Variants in NUP42 observed in about 807,000 individuals in gnomAD.
NUP42 encodes the protein nucleoporin 42.
In NUP42, 47 loss-of-function variants were observed where a neutral mutation model predicts 35.9. The ratio of observed to expected loss-of-function variants is 1.31; its 90% CI spans 1.04 to 1.67. The LOEUF (loss-of-function observed/expected upper bound fraction) is 1.67. NUP42 is among the 40% of genes most tolerant of loss of function. The pLI, the probability that NUP42 is intolerant of heterozygous loss-of-function variation, is 0.00. For synonymous variants in NUP42, 173 were observed against 173.3 expected (o/e 1.00, Z 0.01); for missense variants, 514 against 492.2 (o/e 1.04, Z -0.42).
intron 5 of NUP42, chr7:23,197,370 A>G: frequency 1.5e-5 from 6 of 412,040 alleles, no homozygotes; most frequent in Non-Finnish European, 2.6e-5. Context: ...TACTCTGTAT[A>G]AGGATATGAG....
Position 23,200,231 on chromosome 7 carries a change from G to A in NUP42, c.758G>A (p.Gly253Glu). The A allele has an allele frequency of 5.0e-6, 8 of 1,603,804 alleles. No individual in the cohort carries two copies. The highest frequency in any genetic ancestry group is 6.8e-6 in the Non-Finnish European group (8 of 1,173,714). The change falls in exon 7 of 7, where the codon GGA (glycine) becomes GAA (glutamate). Residue 253 changes from glycine to glutamate, a missense_variant. Gly to Glu is a moderately conservative substitution (Grantham distance 98, BLOSUM62 -2). Transcript: ENST00000258742. ...AACTTTAGTTTTAAAACAAACTCTG[G>A]ATTTGCTGCTGCCTCTTCTGGAAGC... Reference protein sequence around the residue: ...AQNFSFKTNSGFAAASSGSPA... With the variant: ...AQNFSFKTNSEFAAASSGSPA...
chr7:23,198,239 G>A (rs1055600312), intron 5 of NUP42: 1 of 113,474 alleles, frequency 8.8e-6, no homozygotes, highest in Non-Finnish European at 1.6e-5. Flanking sequence ...TTGAGGCAGA[G>A]TCTCACTCTG....
At chr7:23,188,457 A>C in intron 3 of NUP42, 2 of 985,472 alleles carry the variant, frequency 2.0e-6, no homozygotes, top group Non-Finnish European at 2.4e-6. Flanking sequence ...AATCAGCTTA[A>C]GTATTAGTAC....
At chr7:23,182,402 T>C in intron 1 of NUP42, 196 bp downstream of exon 1, 1 of 1,393,150 alleles carries the variant, frequency 7.2e-7, no homozygotes, top group East Asian at 2.6e-5. Context: ...CCGTTTTTAT[T>C]GAGCTTCTGA....
rs374794638 is a variant in NUP42, at chr7:23,200,123, G to A, written c.695-45G>A. 2.6e-5 allele frequency: 33 copies of A among 1,293,600 alleles called. No individual in the cohort carries two copies. In the South Asian group the frequency reaches 2.6e-4, roughly 10 times the overall value. The allele number at this position is 1,293,600 out of a possible 1,614,324, so 80.1% of individuals were successfully genotyped here. ...AAATAATTGTGACATTTTTCTGACC[G>A]TAATAGATTTTTGTTGTTTTTTTTG... is the stretch of plus-strand genomic sequence containing the variant. On this transcript the variant is annotated intron_variant, in intron 6 of 6. Transcript: ENST00000258742.
At chr7:23,183,754 TAAAAAAA>T (rs571597955) in intron 1 of NUP42, among the ~76,000 whole-genome samples, 4,370 of 82,038 alleles carry the variant, frequency 0.053, 225 homozygotes, top group African/African-American at 0.17. Context: ...AAAAGCAATG[TAAAAAAA>T]AAAAAAAAAA....
intron 2 of NUP42, 24 bp from the exon 3 acceptor site, chr7:23,187,028 T>TC: frequency 2.4e-6 from 1 of 413,382 alleles, no homozygotes; most frequent in Non-Finnish European, 3.6e-6. Context: ...TCCTTTACTC[T>TC]TTTTTTTTTT....
At chr7:23,186,232 A>G (rs1284667411) in intron 2 of NUP42, among the ~76,000 whole-genome samples, 3 of 152,244 alleles carry the variant, frequency 2.0e-5, no homozygotes, top group Non-Finnish European at 4.4e-5. Context: ...CTAGGATGGA[A>G]TTTAAATGTA....
At chr7:23,193,142 A>C (rs1431304881) in intron 3 of NUP42, among the ~76,000 whole-genome samples, 1 of 151,576 alleles carries the variant, frequency 6.6e-6, no homozygotes, top group African/African-American at 2.4e-5. Context: ...AGTGAGGCTG[A>C]AGACCTTCGC....
intron 5 of NUP42, among the ~76,000 whole-genome samples, chr7:23,198,065 G>A (rs1382898938): frequency 1.3e-5 from 2 of 151,950 alleles, no homozygotes; most frequent in Non-Finnish European, 2.9e-5. Context: ...TGACCAACAT[G>A]GTGAAACCCG....
At chr7:23,184,274 C>T (rs1396417144) in intron 1 of NUP42, among the ~76,000 whole-genome samples, 2 of 152,140 alleles carry the variant, frequency 1.3e-5, no homozygotes, top group Non-Finnish European at 2.9e-5. Flanking sequence ...ACTTAAGCAT[C>T]TGTACAAAAA....
intron 5 of NUP42, chr7:23,197,374 A>T: frequency 2.7e-6 from 1 of 375,496 alleles, no homozygotes; most frequent in Admixed American, 3.4e-5. Flanking sequence ...CTGTATAAGG[A>T]TATGAGAGTA....
chr7:23,187,936 GTCTCTC>G, intron 3 of NUP42: 12 of 478,496 alleles, frequency 2.5e-5, no homozygotes, highest in African/African-American at 4.2e-5. Flanking sequence ...AATATTCTCT[GTCTCTC>G]TCTCTCTCTC....
intron 3 of NUP42, among the ~76,000 whole-genome samples, chr7:23,189,929 A>T (rs373361702): frequency 0.095 from 14,324 of 150,522 alleles, 772 homozygotes; most frequent in Admixed American, 0.15. Flanking sequence ...AAAAAAAAAA[A>T]TTTTTTTGAT....
chr7:23,184,747 A>G (rs987668869), intron 1 of NUP42, among the ~76,000 whole-genome samples: 4 of 152,154 alleles, frequency 2.6e-5, no homozygotes, highest in East Asian at 3.9e-4. Context: ...GCTCATGCCT[A>G]TAATTCCAGC....
At chr7:23,192,917 C>T (rs189881536) in intron 3 of NUP42, among the ~76,000 whole-genome samples, 405 of 152,310 alleles carry the variant, frequency 2.7e-3, no homozygotes, top group Non-Finnish European at 4.4e-3. Flanking sequence ...CGGACCCTCG[C>T]GGTGAGTGTT....
chr7:23,199,783 G>A lies in NUP42; in HGVS notation c.694+241G>A, dbSNP rs373632175. Among the ~76,000 whole-genome samples the A allele has an allele frequency of 1.4e-4, 21 of 152,296 alleles. No individual in the cohort carries two copies. The East Asian group carries it at 3.5e-3, about 25-fold the overall frequency. On this transcript the variant is annotated intron_variant, in intron 6 of 6. Coordinates refer to ENST00000258742, the MANE Select transcript of NUP42 (RefSeq NM_007342.3). Reference sequence around the variant, plus strand: ...TTAGGAATGAGTTTTCAGGAGTTTCGTAGAAGTACATAGCTATGATAGCAG... The same window carrying A: ...TTAGGAATGAGTTTTCAGGAGTTTCATAGAAGTACATAGCTATGATAGCAG...
At chr7:23,193,268 T>G (rs1273352840) in intron 3 of NUP42, among the ~76,000 whole-genome samples, 1 of 152,106 alleles carries the variant, frequency 6.6e-6, no homozygotes, top group Non-Finnish European at 1.5e-5. Flanking sequence ...GCTGAGCGGG[T>G]TGCCACTGCT....
rs571666526 is a variant in NUP42, at chr7:23,193,257, A to T, written c.446-2582A>T. On this transcript the variant is annotated intron_variant, in intron 3 of 6. Coordinates refer to ENST00000258742, the MANE Select transcript of NUP42 (RefSeq NM_007342.3). Reference sequence around the variant, plus strand: ...CGAAGCTTCCACAGTGTGGAAGAGGAGCTGAGCGGGTTGCCACTGCTGGCT... The same window carrying T: ...CGAAGCTTCCACAGTGTGGAAGAGGTGCTGAGCGGGTTGCCACTGCTGGCT... Among the ~76,000 whole-genome samples, 97 of 152,272 alleles carry T rather than the reference A, an allele frequency of 6.4e-4. 1 individual carries two copies. Among genetic ancestry groups the T allele is most frequent in the African/African-American group, 2.3e-3 (94 of 41,546 alleles).
Sources: gnomAD v4.1 joint callset for allele counts (sites outside exome capture counted in the v4.1 genomes callset) on GRCh38, gnomAD v4.1.1 for gene constraint, MANE v1.5 for transcripts, NCBI Gene and HGNC (gene_info 2026-07-23, HGNC 2026-07-21) for gene names.